Variants in GRID2 observed in about 807,000 individuals in gnomAD.
GRID2 encodes glutamate receptor ionotropic, delta-2.
Under a neutral mutation model 114.8 loss-of-function variants are expected in GRID2, and 33 were observed. The observed-to-expected ratio is 0.29, with a 90% confidence interval of 0.22 to 0.38. GRID2 has a LOEUF of 0.38. Ranked by LOEUF, GRID2 falls within the 10% of genes least tolerant of loss-of-function variation. GRID2 has a pLI of 1.00. For missense variants in GRID2, 1,184 were observed against 1,257.7 expected (o/e 0.94, Z 0.89); for synonymous variants, 505 against 449.9 (o/e 1.12, Z -1.55).
In GRID2 at chr4:93,579,530, T is replaced by A. The variant is rs527943951; in HGVS notation, c.2194-46739T>A. ...CCAAGTGAAATTCCTCTTACCCTCATGCAAAAAAAATACTTAAGGCTATTC... is the reference window on the plus strand; with the variant it reads ...CCAAGTGAAATTCCTCTTACCCTCAAGCAAAAAAAATACTTAAGGCTATTC... On this transcript the variant is annotated intron_variant, in intron 13 of 15. Transcript: ENST00000282020. 6.6e-5 allele frequency among the ~76,000 whole-genome samples: 10 copies of A among 152,132 alleles called. No homozygotes were observed. The South Asian group carries it at 2.1e-3, about 32-fold the overall frequency.
intron 13 of GRID2, among the ~76,000 whole-genome samples, chr4:93,625,352 C>T (rs1277590063): frequency 6.6e-6 from 1 of 152,172 alleles, no homozygotes; most frequent in African/African-American, 2.4e-5. Flanking sequence ...TTTGTTCTCT[C>T]AATCCAAATG....
chr4:93,739,164 T>C (rs530357014), intron 14 of GRID2, among the ~76,000 whole-genome samples: 26 of 152,256 alleles, frequency 1.7e-4, no homozygotes, highest in East Asian at 7.7e-4. Context: ...CACAGTTTTA[T>C]TTAAGGCCAA....
chr4:93,420,231 T>C (rs1051034722), intron 9 of GRID2, among the ~76,000 whole-genome samples: 4 of 152,194 alleles, frequency 2.6e-5, no homozygotes, highest in Non-Finnish European at 4.4e-5. Flanking sequence ...TGCCATCATA[T>C]ATCACAATAC....
At chr4:92,583,861 A>G (rs1251429878) in intron 1 of GRID2, among the ~76,000 whole-genome samples, 1 of 149,870 alleles carries the variant, frequency 6.7e-6, no homozygotes, top group South Asian at 2.1e-4. Context: ...CATGTATTAC[A>G]TAAATATATA....
At chr4:93,120,530 G>T (rs1733685311) in intron 4 of GRID2, among the ~76,000 whole-genome samples, 1 of 152,156 alleles carries the variant, frequency 6.6e-6, no homozygotes, top group Admixed American at 6.5e-5. Context: ...TCACTCATAA[G>T]TGGGAGTTGA....
chr4:93,577,787 A>C (rs554320474), intron 13 of GRID2, among the ~76,000 whole-genome samples: 2 of 152,316 alleles, frequency 1.3e-5, no homozygotes, highest in South Asian at 4.1e-4. Context: ...AAAGCGTGCA[A>C]GTAGTTTTGT....
intron 13 of GRID2, among the ~76,000 whole-genome samples, chr4:93,542,203 T>C (rs1480184535): frequency 6.6e-6 from 1 of 152,200 alleles, no homozygotes; most frequent in African/African-American, 2.4e-5. Flanking sequence ...CTGTCTCCTC[T>C]GTTGTATTCA....
intron 8 of GRID2, among the ~76,000 whole-genome samples, chr4:93,241,419 A>G (rs1244334330): frequency 1.3e-5 from 2 of 151,752 alleles, no homozygotes. Context: ...CCACTATACC[A>G]CTATACTACT....
At chr4:93,419,983 CA>C (rs1768104802) in intron 9 of GRID2, among the ~76,000 whole-genome samples, 1 of 152,038 alleles carries the variant, frequency 6.6e-6, no homozygotes, top group Non-Finnish European at 1.5e-5. Context: ...TTTTAAGTGT[CA>C]TATCGAAGAG....
intron 4 of GRID2, among the ~76,000 whole-genome samples, chr4:93,179,051 G>T (rs898267388): frequency 6.6e-6 from 1 of 152,130 alleles, no homozygotes; most frequent in African/African-American, 2.4e-5. Context: ...GTAAAACAGA[G>T]CAGGGAGATG....
intron 4 of GRID2, among the ~76,000 whole-genome samples, chr4:93,180,488 A>T (rs1419949098): frequency 6.6e-6 from 1 of 152,096 alleles, no homozygotes; most frequent in Non-Finnish European, 1.5e-5. Flanking sequence ...GTAATTTCTT[A>T]AAAGAAAACA....
At chr4:93,265,796 T>A (rs1750758858) in intron 8 of GRID2, among the ~76,000 whole-genome samples, 2 of 152,180 alleles carry the variant, frequency 1.3e-5, no homozygotes, top group Admixed American at 1.3e-4. Context: ...GAGCACCCCT[T>A]CCCACCATGC....
At chr4:93,714,714 C>T (rs1323184902) in intron 14 of GRID2, among the ~76,000 whole-genome samples, 1 of 152,134 alleles carries the variant, frequency 6.6e-6, no homozygotes, top group Non-Finnish European at 1.5e-5. Flanking sequence ...TGATTGTTGG[C>T]CACATGTATG....
chr4:93,114,726 A>G (rs1733077376), intron 4 of GRID2, among the ~76,000 whole-genome samples: 1 of 152,136 alleles, frequency 6.6e-6, no homozygotes, highest in Non-Finnish European at 1.5e-5. Context: ...TGAGTAGGGA[A>G]TAGGCTGACC....
chr4:92,493,127 C>CAA (rs1043809824), intron 1 of GRID2, among the ~76,000 whole-genome samples: 90 of 48,364 alleles, frequency 1.9e-3, no homozygotes, highest in Middle Eastern at 0.013. Flanking sequence ...GACTCCATCT[C>CAA]AAAAAAAAAA....
intron 2 of GRID2, among the ~76,000 whole-genome samples, chr4:92,875,566 A>T (rs769232101): frequency 2.6e-5 from 4 of 152,216 alleles, no homozygotes; most frequent in Non-Finnish European, 5.9e-5. Flanking sequence ...ATATAATTTT[A>T]CTGCATGTTA....
rs150420396 is a variant in GRID2, at chr4:93,254,379, C to T, written c.1245+15889C>T. Among the ~76,000 whole-genome samples, 547 of 152,118 alleles carry T rather than the reference C, an allele frequency of 3.6e-3. 4 individuals are homozygous for T. Among genetic ancestry groups the T allele is most frequent in the African/African-American group, 0.013 (526 of 41,528 alleles). On this transcript the variant is annotated intron_variant, in intron 8 of 15. Transcript: ENST00000282020. ...AAATGTTTAACTAGTAAAATGAATG[C>T]ATCTAGCTGAGTATAATCACCCTGA...
chr4:92,393,815 T>G (rs1293998515), intron 1 of GRID2, among the ~76,000 whole-genome samples: 4 of 152,172 alleles, frequency 2.6e-5, no homozygotes, highest in Non-Finnish European at 4.4e-5. Context: ...TTTAATGGAA[T>G]TTTTATGTTA....
chr4:92,402,083 A>AT (rs1490505037), intron 1 of GRID2, among the ~76,000 whole-genome samples: 1 of 151,892 alleles, frequency 6.6e-6, no homozygotes, highest in African/African-American at 2.4e-5. Context: ...TTTTTTCCTC[A>AT]TTCGTAAGAA....
Sources: gnomAD v4.1 joint callset for allele counts (sites outside exome capture counted in the v4.1 genomes callset) on GRCh38, gnomAD v4.1.1 for gene constraint, MANE v1.5 for transcripts, NCBI Gene and HGNC (gene_info 2026-07-23, HGNC 2026-07-21) for gene names.